The following ASTN2 variants were observed in gnomAD, a reference collection of about 807,000 sequenced individuals.
ASTN2 encodes astrotactin 2, also known as astrotactin-2.
A neutral mutation model predicts 139.8 loss-of-function variants in ASTN2; 54 were observed. The ratio of observed to expected loss-of-function variants is 0.39; its 90% CI spans 0.31 to 0.48. The LOEUF is 0.48. ASTN2 is among the 20% of genes least tolerant of loss of function. The pLI, the probability that ASTN2 is intolerant of heterozygous loss-of-function variation, is 0.95. For synonymous variants in ASTN2, 756 were observed against 719.5 expected (o/e 1.05, Z -0.81); for missense variants, 1,565 against 1,725.1 (o/e 0.91, Z 1.64).
At position 116,425,531 on chromosome 9, in the gene ASTN2, G is replaced by A. The variant is rs1482814452; in HGVS notation, c.*320C>T. On this transcript the variant is annotated 3_prime_UTR_variant, in exon 23 of 23. Transcript: ENST00000313400. ...GGAAGAAGGAAGAAGAGCAAAGGCC[G>A]CTTGGTCTCCACCTGAAAACTTCTG... 8 of 1,595,352 alleles carry A rather than the reference G, an allele frequency of 5.0e-6. No individual in the cohort carries two copies. Among genetic ancestry groups the A allele is most frequent in the African/African-American group, 2.7e-5 (2 of 74,138 alleles).
At chr9:116,487,805 T>C (rs1458085966) in intron 19 of ASTN2, among the ~76,000 whole-genome samples, 3 of 151,342 alleles carry the variant, frequency 2.0e-5, no homozygotes, top group Admixed American at 6.5e-5. Flanking sequence ...AGCAAGGATA[T>C]TATGCTTTTT....
chr9:116,456,373 AG>A (rs1848332847), intron 20 of ASTN2, among the ~76,000 whole-genome samples: 1 of 152,228 alleles, frequency 6.6e-6, no homozygotes, highest in Non-Finnish European at 1.5e-5. Context: ...AAAATAGGAA[AG>A]ATAATCCATG....
intron 1 of ASTN2, among the ~76,000 whole-genome samples, chr9:117,348,615 G>T (rs1394571589): frequency 6.6e-6 from 1 of 152,122 alleles, no homozygotes; most frequent in Non-Finnish European, 1.5e-5. Flanking sequence ...ATATGTGTTT[G>T]TTTGGGTGTG....
At chr9:117,189,084 G>A (rs576492432) in intron 3 of ASTN2, among the ~76,000 whole-genome samples, 1 of 152,282 alleles carries the variant, frequency 6.6e-6, no homozygotes, top group East Asian at 1.9e-4. Flanking sequence ...CCAGATAGGA[G>A]ACTCCTACAT....
At chr9:116,977,183 T>C (rs942573877) in intron 7 of ASTN2, among the ~76,000 whole-genome samples, 1 of 152,134 alleles carries the variant, frequency 6.6e-6, no homozygotes, top group Non-Finnish European at 1.5e-5. Flanking sequence ...AATCAGAAAA[T>C]TGAATTATCT....
intron 3 of ASTN2, among the ~76,000 whole-genome samples, chr9:117,187,023 G>A (rs1376003476): frequency 6.6e-6 from 1 of 152,142 alleles, no homozygotes; most frequent in Non-Finnish European, 1.5e-5. Context: ...CAGCTACTCA[G>A]GAGGCTGAGG....
At chr9:116,741,724 C>T (rs1829101245) in intron 13 of ASTN2, among the ~76,000 whole-genome samples, 1 of 152,096 alleles carries the variant, frequency 6.6e-6, no homozygotes, top group African/African-American at 2.4e-5. Context: ...TTGTAGCTGT[C>T]CTGCAGGTGC....
At chr9:116,811,654 A>G (rs1358921191) in intron 12 of ASTN2, among the ~76,000 whole-genome samples, 1 of 152,210 alleles carries the variant, frequency 6.6e-6, no homozygotes, top group African/African-American at 2.4e-5. Context: ...GTCATAATCT[A>G]TTAAGGAAAA....
At chr9:117,103,068 C>A (rs1356160449) in intron 4 of ASTN2, among the ~76,000 whole-genome samples, 2 of 152,036 alleles carry the variant, frequency 1.3e-5, no homozygotes, top group Non-Finnish European at 2.9e-5. Context: ...CAGAAGGTGA[C>A]CATTCAGTTT....
intron 2 of ASTN2, among the ~76,000 whole-genome samples, chr9:117,262,413 A>ATTT (rs201046437): frequency 6.8e-5 from 8 of 117,488 alleles, no homozygotes; most frequent in South Asian, 5.1e-4. Context: ...TTATTTATTT[A>ATTT]TTTATTTTTT....
At chr9:117,048,123 C>T (rs917740086) in intron 5 of ASTN2, among the ~76,000 whole-genome samples, 2 of 152,172 alleles carry the variant, frequency 1.3e-5, no homozygotes, top group African/African-American at 4.8e-5. Flanking sequence ...TTCACAATAT[C>T]TCTATCAACC....
intron 11 of ASTN2, among the ~76,000 whole-genome samples, chr9:116,844,996 G>A (rs1472767382): frequency 1.3e-5 from 2 of 152,214 alleles, no homozygotes; most frequent in Non-Finnish European, 2.9e-5. Context: ...CTTGATGTCT[G>A]CAGAAGAGAA....
intron 10 of ASTN2, among the ~76,000 whole-genome samples, chr9:116,876,596 T>C (rs1833306457): frequency 6.6e-6 from 1 of 152,196 alleles, no homozygotes; most frequent in Non-Finnish European, 1.5e-5. Context: ...TTCACTGTTG[T>C]CTTATTTTAA....
chr9:117,127,105 T>C (rs533035010), intron 4 of ASTN2, among the ~76,000 whole-genome samples: 1 of 152,346 alleles, frequency 6.6e-6, no homozygotes, highest in East Asian at 1.9e-4. Context: ...GATGCTGATC[T>C]AAGAATGAGG....
chr9:116,944,655 C>T (rs1422691854), intron 10 of ASTN2, among the ~76,000 whole-genome samples: 1 of 131,496 alleles, frequency 7.6e-6, no homozygotes, highest in African/African-American at 2.9e-5. Flanking sequence ...GCACTCCAGC[C>T]TGGGCGACAG....
At chr9:116,567,249 C>G (rs905182728) in intron 19 of ASTN2, among the ~76,000 whole-genome samples, 3 of 152,172 alleles carry the variant, frequency 2.0e-5, no homozygotes, top group Non-Finnish European at 4.4e-5. Context: ...TTTACCTGAA[C>G]GTGGACTTGG....
intron 19 of ASTN2, among the ~76,000 whole-genome samples, chr9:116,600,939 A>G (rs1309516877): frequency 1.3e-5 from 2 of 152,184 alleles, no homozygotes; most frequent in Non-Finnish European, 2.9e-5. Flanking sequence ...CTGGCAATGT[A>G]CTAGGCACTG....
At chr9:117,074,438 T>A (rs114663305) in intron 5 of ASTN2, among the ~76,000 whole-genome samples, 100 of 152,346 alleles carry the variant, frequency 6.6e-4, no homozygotes, top group African/African-American at 2.3e-3. Flanking sequence ...ATTTAGGTTT[T>A]ATTAGACAGA....
In ASTN2 at chr9:116,699,062, G is replaced by A; in HGVS notation, c.2806+26709C>T. On this transcript the variant is annotated intron_variant, in intron 16 of 22. Transcript: ENST00000313400. The surrounding 1 kb of genome is among the most constrained non-coding windows in gnomAD (Gnocchi z 4.2). The stretch of plus-strand genomic sequence containing the variant: ...TCTCAGTGGCAATGAACTGCCAGGG[G>A]CTGATTGGTGTGACTGACAGCTATG... 6.2e-7 allele frequency: 1 copy of A among 1,614,154 alleles called. No individual in the cohort carries two copies. Among genetic ancestry groups the A allele is most frequent in the African/African-American group, 1.3e-5 (1 of 75,062 alleles).
Sources: gnomAD v4.1 joint callset for allele counts (sites outside exome capture counted in the v4.1 genomes callset) on GRCh38, gnomAD v4.1.1 for gene constraint, Gnocchi (gnomAD v3.1) non-coding constraint, MANE v1.5 for transcripts, NCBI Gene and HGNC (gene_info 2026-07-23, HGNC 2026-07-21) for gene names.